The following DPP6 variants were observed in gnomAD, a reference collection of about 807,000 sequenced individuals.
DPP6 encodes the protein dipeptidyl peptidase like 6.
In DPP6, 69 loss-of-function variants were observed where a neutral mutation model predicts 122.6. The ratio of observed to expected loss-of-function variants is 0.56; its 90% CI spans 0.46 to 0.69. The LOEUF is 0.69. Ranked by LOEUF, DPP6 falls within the 30% of genes least tolerant of loss-of-function variation. The pLI is 0.00. For missense variants in DPP6, 928 were observed against 1,116.9 expected, an observed-to-expected ratio of 0.83 and a Z score of 2.41; for synonymous variants, 418 against 433.1, an observed-to-expected ratio of 0.97 and a Z score of 0.43.
intron 7 of DPP6, among the ~76,000 whole-genome samples, chr7:154,693,115 TA>T (rs60073169): frequency 0.92 from 139,722 of 152,136 alleles, 64,545 homozygotes; most frequent in South Asian, 1. Flanking sequence ...TACTGACAAT[TA>T]ACCTTCTACT....
intron 1 of DPP6, among the ~76,000 whole-genome samples, chr7:153,888,705 CTTTTTTTTTTTTTT>C (rs142238331): frequency 1.3e-5 from 1 of 77,000 alleles, no homozygotes; most frequent in East Asian, 3.5e-4. Flanking sequence ...CTGGCTGGCA[CTTTTTTTTTTTTTT>C]TTTTTTTTTT....
At chr7:154,355,157 T>G (rs1034972822) in intron 1 of DPP6, among the ~76,000 whole-genome samples, 1 of 152,236 alleles carries the variant, frequency 6.6e-6, no homozygotes, top group African/African-American at 2.4e-5. Flanking sequence ...CTTAGTCAAG[T>G]ACCTATTCAA....
At chr7:154,832,559 G>A (rs1448889717) in intron 16 of DPP6, among the ~76,000 whole-genome samples, 2 of 152,092 alleles carry the variant, frequency 1.3e-5, no homozygotes, top group Admixed American at 6.5e-5. Flanking sequence ...CACTCGTTAC[G>A]TCTCACGCGA....
intron 3 of DPP6, among the ~76,000 whole-genome samples, chr7:154,500,598 G>C (rs1164717292): frequency 6.6e-6 from 1 of 152,190 alleles, no homozygotes; most frequent in East Asian, 1.9e-4. Context: ...CCTTGCACCA[G>C]TTCTGTTCTC....
chr7:153,850,902 G>A, the DPP6 span, among the ~76,000 whole-genome samples: 1 of 152,150 alleles, frequency 6.6e-6, no homozygotes, highest in African/African-American at 2.4e-5. Context: ...AAGCATATCA[G>A]AAGACATCAC....
At chr7:154,866,983 C>CTTT (rs11409452) in intron 17 of DPP6, among the ~76,000 whole-genome samples, 1 of 140,478 alleles carries the variant, frequency 7.1e-6, no homozygotes, top group African/African-American at 2.6e-5. Flanking sequence ...TGCAGAGCAG[C>CTTT]TTTTTTTTTT....
At chr7:154,611,161 C>T (rs1431070522) in intron 5 of DPP6, among the ~76,000 whole-genome samples, 3 of 152,168 alleles carry the variant, frequency 2.0e-5, no homozygotes, top group African/African-American at 7.2e-5. Context: ...TGTCTTCTGA[C>T]TCATGTGACT....
At chr7:153,817,966 G>C in the DPP6 span, among the ~76,000 whole-genome samples, 1 of 151,768 alleles carries the variant, frequency 6.6e-6, no homozygotes, top group Non-Finnish European at 1.5e-5. Flanking sequence ...TTCAAGTGGA[G>C]GTGGGGGAGG....
At chr7:154,428,217 T>TCTG (rs1818067300) in intron 1 of DPP6, among the ~76,000 whole-genome samples, 2 of 152,214 alleles carry the variant, frequency 1.3e-5, no homozygotes, top group Non-Finnish European at 2.9e-5. Context: ...TCAATACTCT[T>TCTG]ATTTTTAAAA....
At position 154,481,897 on chromosome 7, in the gene DPP6, C is replaced by T. The variant is rs576906924; in HGVS notation, c.457+6860C>T. Among the ~76,000 whole-genome samples, 1 of 152,206 alleles carries T rather than the reference C, an allele frequency of 6.6e-6. No individual in the cohort carries two copies. The highest frequency in any genetic ancestry group is 1.9e-4 in the East Asian group (1 of 5,200). ...TAATTATTTATGAATGTAAACTCCA[C>T]AAGGATGGGACTCGCATCTCTGTTT... On this transcript the variant is annotated intron_variant, in intron 3 of 25. Coordinates refer to ENST00000377770, the MANE Select transcript of DPP6 (RefSeq NM_130797.4). The surrounding 1 kb of genome is among the most constrained non-coding windows in gnomAD (Gnocchi z 4.2).
chr7:154,195,414 G>A (rs982305107), intron 1 of DPP6, among the ~76,000 whole-genome samples: 13 of 151,014 alleles, frequency 8.6e-5, no homozygotes, highest in South Asian at 2.1e-4. Flanking sequence ...GGAAACTGCC[G>A]TTGGCTGGCA....
chr7:154,614,859 A>G (rs980112619), intron 5 of DPP6, among the ~76,000 whole-genome samples: 1 of 152,250 alleles, frequency 6.6e-6, no homozygotes, highest in Admixed American at 6.5e-5. Flanking sequence ...GAGGCCAAGT[A>G]TGTCAAATGT....
intron 1 of DPP6, among the ~76,000 whole-genome samples, chr7:154,023,318 G>GCACGCACACACACACACACACATACA (rs373378162): frequency 7.7e-6 from 1 of 129,528 alleles, no homozygotes; most frequent in African/African-American, 3.2e-5. Context: ...TTTCTTGTCT[G>GCACGCACACACACACACACACATACA]CACACACACA....
intron 10 of DPP6, among the ~76,000 whole-genome samples, chr7:154,777,771 G>C (rs924505591): frequency 2.0e-5 from 3 of 152,100 alleles, no homozygotes; most frequent in Non-Finnish European, 4.4e-5. Flanking sequence ...AGGCGGTAAA[G>C]GGCTCCCAGA....
chr7:154,885,886 T>C (rs1806111218), intron 22 of DPP6, 142 bp downstream of exon 22: 1 of 1,157,040 alleles, frequency 8.6e-7, no homozygotes, highest in Non-Finnish European at 1.2e-6. Context: ...CACCTTGGGC[T>C]GATGGAAGAA....
intron 1 of DPP6, among the ~76,000 whole-genome samples, chr7:154,171,019 G>A (rs936633608): frequency 1.1e-4 from 16 of 152,140 alleles, no homozygotes; most frequent in Admixed American, 2.6e-4. Context: ...CCTGCTGCTC[G>A]CTGGTGCATG....
intron 10 of DPP6, among the ~76,000 whole-genome samples, chr7:154,785,870 T>G (rs7786413): frequency 6.6e-6 from 1 of 152,248 alleles, no homozygotes; most frequent in African/African-American, 2.4e-5. Flanking sequence ...TTTTAAATTG[T>G]TTTTGTTTTT....
At chr7:154,305,029 A>T (rs1196991040) in intron 1 of DPP6, 1 of 8,204 alleles carries the variant, frequency 1.2e-4, no homozygotes, top group African/African-American at 6.0e-4. Context: ...CCCCAGCCCC[A>T]GCCCCAGCCC....
At chr7:153,817,631 A>G in the DPP6 span, among the ~76,000 whole-genome samples, 1 of 151,784 alleles carries the variant, frequency 6.6e-6, no homozygotes, top group South Asian at 2.1e-4. Context: ...ACATGGATGA[A>G]GCTGGAAACC....
Sources: allele counts gnomAD v4.1 joint callset (sites outside exome capture counted in the v4.1 genomes callset), GRCh38; gene constraint gnomAD v4.1.1; non-coding constraint Gnocchi (gnomAD v3.1); transcripts MANE v1.5; gene names NCBI Gene and HGNC (gene_info 2026-07-23, HGNC 2026-07-21).